Variants in F11 observed in about 807,000 individuals in gnomAD.
F11 encodes the protein coagualtion factor XI.
Under a neutral mutation model 76.5 loss-of-function variants are expected in F11, and 78 were observed. The observed-to-expected ratio is 1.02, with a 90% confidence interval of 0.85 to 1.23. The LOEUF is 1.23. Among genes scored for constraint, F11 ranks in the 50% most tolerant of loss-of-function variants. The probability of loss-of-function intolerance (pLI) is 0.00; values close to 1 mark genes in which losing one functional copy is unlikely to be tolerated. For missense variants in F11, 742 were observed against 771.4 expected (o/e 0.96, Z 0.45); for synonymous variants, 278 against 276.3 (o/e 1.01, Z -0.06).
intron 3 of F11, among the ~76,000 whole-genome samples, chr4:186,272,129 G>T (rs1740020884): frequency 6.6e-6 from 1 of 151,228 alleles, no homozygotes; most frequent in South Asian, 2.1e-4. Context: ...TATTTTATTA[G>T]AAAAAAATAA....
chr4:186,287,055 C>T (rs968100698), intron 13 of F11, among the ~76,000 whole-genome samples: 1 of 151,932 alleles, frequency 6.6e-6, no homozygotes, highest in African/African-American at 2.4e-5. Context: ...CTCACTGTTA[C>T]CTCCACCTCC....
intron 13 of F11, 73 bp downstream of exon 13, chr4:186,286,583 T>C (rs1333205826): frequency 1.8e-5 from 28 of 1,598,752 alleles, no homozygotes; most frequent in African/African-American, 4.0e-5. Flanking sequence ...TGTCAAGTCA[T>C]GTAGCTGAAG....
At chr4:186,270,906 A>G (rs1739905533) in intron 2 of F11, among the ~76,000 whole-genome samples, 1 of 142,470 alleles carries the variant, frequency 7.0e-6, no homozygotes, top group South Asian at 2.2e-4. Context: ...GGGTCTTGCC[A>G]TGTTGCCCAG....
In F11 at chr4:186,274,671, AC is replaced by A. The variant is rs1740236888; in HGVS notation, c.485+397del. 29 of 260,498 alleles carry A rather than the reference AC, an allele frequency of 1.1e-4. 1 individual carries two copies. In the South Asian group the frequency reaches 1.4e-3, roughly 12 times the overall value. 16.1% of individuals were successfully genotyped at this position (260,498 alleles called of 1,614,324 possible). A position where few individuals can be genotyped will look rare whatever the true frequency, so the allele number is the denominator to read the frequency against. On this transcript the variant is annotated intron_variant, in intron 5 of 14. Coordinates refer to ENST00000403665, the MANE Select transcript of F11 (RefSeq NM_000128.4). The stretch of plus-strand genomic sequence containing the variant: ...TCTAAATAACAGTTCCTTACCTAAG[AC>A]AAAATACTCATGTAAAAAGTCTTAT...
chr4:186,276,164 T>A, intron 6 of F11, 67 bp from the exon 7 acceptor site: 2 of 1,587,708 alleles, frequency 1.3e-6, no homozygotes, highest in South Asian at 1.1e-5. Context: ...AATTTACACA[T>A]ACTGTGACCG....
chr4:186,267,196 G>GGA lies in F11; in HGVS notation c.55+5_55+6insGA, dbSNP rs1739571627. On this transcript the variant is annotated splice_donor_region_variant and intron_variant, in intron 2 of 14. Transcript: ENST00000403665. Reference sequence around the variant, plus strand: ...TATTTACTTCAGTTTCTGGTGGTAAGTAGAGTGTTATCTTAACTATGGGCT... The same window carrying GGA: ...TATTTACTTCAGTTTCTGGTGGTAAGGATAGAGTGTTATCTTAACTATGGGCT... 2.0e-6 allele frequency: 3 copies of GGA among 1,532,736 alleles called. No homozygotes were observed. Among genetic ancestry groups the GGA allele is most frequent in the Non-Finnish European group, 2.7e-6 (3 of 1,105,738 alleles). 94.9% of individuals were successfully genotyped at this position (1,532,736 alleles called of 1,614,324 possible). A position where few individuals can be genotyped will look rare whatever the true frequency, so the allele number is the denominator to read the frequency against.
chr4:186,288,137 C>T (rs1449214784), intron 14 of F11, among the ~76,000 whole-genome samples: 1 of 151,870 alleles, frequency 6.6e-6, no homozygotes, highest in Non-Finnish European at 1.5e-5. Context: ...TGGTCTCGAT[C>T]TCCTGACCTC....
At chr4:186,267,060 T>C in intron 1 of F11, 76 bp from the exon 2 acceptor site, 1 of 924,708 alleles carries the variant, frequency 1.1e-6, no homozygotes, top group Admixed American at 1.7e-5. Flanking sequence ...CTATTTCTTG[T>C]AAGTCTTAGT....
intron 10 of F11, chr4:186,281,989 C>G: frequency 3.2e-6 from 4 of 1,259,412 alleles, no homozygotes; most frequent in Non-Finnish European, 4.2e-6. Context: ...TCTTAAAAAG[C>G]AAGTCAATTA....
At chr4:186,289,684 T>A (rs1294560454), downstream of F11, among the ~76,000 whole-genome samples, 2 of 11,096 alleles carry the variant, frequency 1.8e-4, no homozygotes, top group East Asian at 0.02. Context: ...CAAGTGTGAT[T>A]TTTTTTTTTT....
Position 186,275,879 on chromosome 4 carries a change from G to A in F11, c.578G>A (p.Cys193Tyr). The A allele has an allele frequency of 6.2e-7, 1 of 1,611,704 alleles. No individual in the cohort carries two copies. The highest frequency in any genetic ancestry group is 1.1e-5 in the South Asian group (1 of 90,670). ...GTGTCTGGATTTTCACTGAAATCCT[G>A]TGCACTTTCTAATCTGGGTAATTAT... ...KVVSGFSLKS[C>Y]ALSNLACIRD... is the part of the protein sequence containing the mutation. Residue 193 changes from cysteine to tyrosine, a missense_variant, in exon 6 of 15, where the codon TGT becomes TAT. Coordinates refer to ENST00000403665, the MANE Select transcript of F11 (RefSeq NM_000128.4).
chr4:186,285,365 T>C (rs1741108758), intron 11 of F11, among the ~76,000 whole-genome samples: 1 of 151,764 alleles, frequency 6.6e-6, no homozygotes. Context: ...TGCGTGTGTG[T>C]GCGTGTCTGT....
intron 7 of F11, 75 bp from the exon 8 acceptor site, chr4:186,279,937 C>T (rs907603725): frequency 1.8e-6 from 2 of 1,139,018 alleles, no homozygotes; most frequent in Non-Finnish European, 2.6e-6. Flanking sequence ...GCTGACTTTA[C>T]TTTCTCTAGG....
intron 10 of F11, among the ~76,000 whole-genome samples, chr4:186,283,617 C>A (rs896660828): frequency 1.3e-5 from 2 of 152,216 alleles, no homozygotes; most frequent in African/African-American, 2.4e-5. Context: ...AGCCTGCGGG[C>A]AAGGTGCTTG....
rs149743449 is a variant in F11, at chr4:186,279,622, G to A, written c.756-390G>A. Among the ~76,000 whole-genome samples the A allele has an allele frequency of 4.3e-3, 654 of 152,186 alleles. 1 individual carries two copies. The highest frequency in any genetic ancestry group is 8.4e-3 in the Admixed American group (128 of 15,276). ...GCTTCCAGGGTGTGGAGTAAACGACGGACTTCACCCATCTCCTTATAAACC... is the reference window on the plus strand; with the variant it reads ...GCTTCCAGGGTGTGGAGTAAACGACAGACTTCACCCATCTCCTTATAAACC... On this transcript the variant is annotated intron_variant, in intron 7 of 14. Transcript: ENST00000403665.
chr4:186,278,065 C>T (rs1333073582), intron 7 of F11, among the ~76,000 whole-genome samples: 1 of 152,240 alleles, frequency 6.6e-6, no homozygotes, highest in Non-Finnish European at 1.5e-5. Flanking sequence ...TCCCACAGTG[C>T]AGGGATTACA....
At chr4:186,284,352 T>A in intron 11 of F11, 92 bp downstream of exon 11, 1 of 1,253,416 alleles carries the variant, frequency 8.0e-7, no homozygotes, top group Middle Eastern at 2.2e-4. Flanking sequence ...CTTTAACCAA[T>A]TAGATTGTCT....
chr4:186,277,606 A>G (rs953164114), intron 7 of F11, among the ~76,000 whole-genome samples: 4 of 152,300 alleles, frequency 2.6e-5, no homozygotes, highest in African/African-American at 9.6e-5. Flanking sequence ...GTGAAATGTC[A>G]AACCCAAAGT....
At chr4:186,271,849 A>C (rs1183628887) in intron 3 of F11, 78 bp downstream of exon 3, 5 of 1,469,350 alleles carry the variant, frequency 3.4e-6, no homozygotes, top group Non-Finnish European at 4.8e-6. Context: ...TCCATCTAAC[A>C]TTTTATAAAA....
Sources: gnomAD v4.1 joint callset for allele counts (sites outside exome capture counted in the v4.1 genomes callset) on GRCh38, gnomAD v4.1.1 for gene constraint, MANE v1.5 for transcripts, NCBI Gene and HGNC (gene_info 2026-07-23, HGNC 2026-07-21) for gene names.